SPTLC3: variants seen among roughly 807,000 people sequenced by gnomAD.
SPTLC3 encodes serine palmitoyltransferase 3.
Under a neutral mutation model 59.3 loss-of-function variants are expected in SPTLC3, and 36 were observed. The observed-to-expected ratio is 0.61, with a 90% CI of 0.47 to 0.80. SPTLC3 has a LOEUF of 0.80. Ranked by LOEUF, SPTLC3 falls within the 30% of genes least tolerant of loss-of-function variation. The pLI is 0.00. For missense variants in SPTLC3, 625 were observed against 685.1 expected (o/e 0.91, Z 0.98); for synonymous variants, 257 against 240.8 (o/e 1.07, Z -0.62).
intron 1 of SPTLC3, among the ~76,000 whole-genome samples, chr20:13,033,018 T>C (rs1986569630): frequency 6.6e-6 from 1 of 152,216 alleles, no homozygotes; most frequent in Non-Finnish European, 1.5e-5. Flanking sequence ...TACAAAGACA[T>C]GCTCAATCAA....
intron 10 of SPTLC3, among the ~76,000 whole-genome samples, chr20:13,157,503 G>C (rs2038802020): frequency 6.6e-6 from 1 of 152,154 alleles, no homozygotes; most frequent in Non-Finnish European, 1.5e-5. Flanking sequence ...TTCAAAGCCA[G>C]TTCCATTTGC....
intron 4 of SPTLC3, among the ~76,000 whole-genome samples, chr20:13,084,944 T>G (rs148447571): frequency 1.3e-5 from 2 of 152,350 alleles, no homozygotes; most frequent in Admixed American, 6.5e-5. Context: ...TCATCAGAAT[T>G]GTTTGATGTG....
chr20:13,110,053 TGGAAAA>T (rs1475679258), intron 6 of SPTLC3, 53 bp from the exon 7 acceptor site: 13 of 1,424,486 alleles, frequency 9.1e-6, no homozygotes, highest in Admixed American at 2.2e-5. Context: ...AAAAAGAAAG[TGGAAAA>T]GGAAAAGTAA....
At chr20:13,104,611 G>A (rs75360325) in intron 6 of SPTLC3, among the ~76,000 whole-genome samples, 10,442 of 152,048 alleles carry the variant, frequency 0.069, 379 homozygotes, top group South Asian at 0.11. Flanking sequence ...AATCCTTTTA[G>A]TCCTCTACAA....
chr20:13,158,123 T>G (rs928633814), intron 10 of SPTLC3, among the ~76,000 whole-genome samples: 1 of 152,236 alleles, frequency 6.6e-6, no homozygotes, highest in Non-Finnish European at 1.5e-5. Context: ...CCCCTGTTCA[T>G]GTAATACACT....
chr20:13,157,907 T>C (rs1007968101), intron 10 of SPTLC3, among the ~76,000 whole-genome samples: 1 of 152,194 alleles, frequency 6.6e-6, no homozygotes. Context: ...TTGATTTTAT[T>C]AAAGAATGGT....
chr20:13,073,769 A>C (rs3843771), intron 3 of SPTLC3: 8 of 584,436 alleles, frequency 1.4e-5, no homozygotes, highest in Non-Finnish European at 2.7e-5. Context: ...CGGTCCAAAG[A>C]GGGCAGCCAG....
chr20:13,034,429 A>G (rs1986639608), intron 1 of SPTLC3, among the ~76,000 whole-genome samples: 1 of 152,192 alleles, frequency 6.6e-6, no homozygotes, highest in African/African-American at 2.4e-5. Context: ...GCAAAGGTAC[A>G]TACTTTTTTT....
At position 13,074,472 on chromosome 20, in the gene SPTLC3, C is replaced by T. The variant is rs551316321; in HGVS notation, c.582C>T (p.Gly194=). The change falls in exon 4 of 12, where the codon GGC becomes GGT. Residue 194 remains glycine, a synonymous_variant. Transcript: ENST00000399002. ...IKDVLEVYGT[G]VASTRHEMGT... ...ATGTTTTAGAGGTGTATGGCACAGG[C>T]GTGGCCAGCACCAGGCATGAAATGG... 16 of 1,613,826 alleles carry T rather than the reference C, an allele frequency of 9.9e-6. No homozygotes were observed. Among genetic ancestry groups the T allele is most frequent in the Middle Eastern group, 1.7e-4 (1 of 6,060 alleles).
Position 13,167,543 on chromosome 20 carries a change from G to A in SPTLC3, c.*2676G>A, listed in dbSNP as rs534546050. The A allele has an allele frequency of 6.6e-6, 1 of 152,186 alleles. No individual in the cohort carries two copies. The highest frequency in any genetic ancestry group is 6.5e-5 in the Admixed American group (1 of 15,286). 9.4% of individuals were successfully genotyped at this position (152,186 alleles called of 1,614,324 possible). ...GTTGGTTGAGAAATAAATGGAAGAT[G>A]TTCTTGAAAATGACCTCAGGAAAGC... is the stretch of plus-strand genomic sequence containing the variant. On this transcript the variant is annotated 3_prime_UTR_variant, in exon 12 of 12. Transcript: ENST00000399002.
chr20:13,104,204 T>C (rs1989742268), intron 6 of SPTLC3, among the ~76,000 whole-genome samples: 1 of 152,206 alleles, frequency 6.6e-6, no homozygotes, highest in Non-Finnish European at 1.5e-5. Flanking sequence ...TCATTTCTTA[T>C]AGCTAGATAT....
chr20:13,144,769 A>G (rs1187345141), intron 9 of SPTLC3, among the ~76,000 whole-genome samples: 1 of 151,428 alleles, frequency 6.6e-6, no homozygotes, highest in Non-Finnish European at 1.5e-5. Context: ...GTGTGTGTGT[A>G]TATATATATA....
intron 2 of SPTLC3, among the ~76,000 whole-genome samples, chr20:13,051,375 A>G (rs1987483351): frequency 6.6e-6 from 1 of 152,260 alleles, no homozygotes; most frequent in African/African-American, 2.4e-5. Flanking sequence ...GCCTTGTCCA[A>G]CAGGAAAATA....
intron 4 of SPTLC3, among the ~76,000 whole-genome samples, chr20:13,083,356 A>G (rs191483800): frequency 8.5e-5 from 13 of 152,148 alleles, no homozygotes; most frequent in African/African-American, 2.9e-4. Context: ...AGTAGAATAA[A>G]CTCTCCTAAT....
At chr20:13,074,153 G>A (rs975027079) in intron 3 of SPTLC3, 196 bp from the exon 4 acceptor site, 48 of 779,590 alleles carry the variant, frequency 6.2e-5, no homozygotes, top group Admixed American at 1.3e-4. Context: ...TGGATCCTCC[G>A]AGGGAAACCA....
chr20:13,075,134 C>CAAA (rs34927240), intron 4 of SPTLC3, among the ~76,000 whole-genome samples: 8,261 of 137,022 alleles, frequency 0.06, 288 homozygotes, highest in Non-Finnish European at 0.084. Flanking sequence ...TTCATTTATT[C>CAAA]AAAAAAAAAA....
At chr20:13,085,647 C>T in intron 4 of SPTLC3, among the ~76,000 whole-genome samples, 1 of 152,158 alleles carries the variant, frequency 6.6e-6, no homozygotes, top group East Asian at 1.9e-4. Flanking sequence ...TTGTTAATAA[C>T]ACCCACACTC....
At chr20:13,164,378 A>T (rs2123017609) in intron 11 of SPTLC3, 2 of 473,828 alleles carry the variant, frequency 4.2e-6, no homozygotes, top group Non-Finnish European at 8.7e-6. Flanking sequence ...TGTCATGAAG[A>T]TATAACTTCA....
At chr20:13,034,336 A>G (rs1332020583) in intron 1 of SPTLC3, among the ~76,000 whole-genome samples, 1 of 152,164 alleles carries the variant, frequency 6.6e-6, no homozygotes, top group Admixed American at 6.5e-5. Context: ...ATGTGTAGAC[A>G]CTGGGGACAC....
Sources: gnomAD v4.1 joint callset for allele counts (sites outside exome capture counted in the v4.1 genomes callset) on GRCh38, gnomAD v4.1.1 for gene constraint, MANE v1.5 for transcripts, NCBI Gene and HGNC (gene_info 2026-07-23, HGNC 2026-07-21) for gene names.